Variants in CBLB observed in about 807,000 individuals in gnomAD.
CBLB encodes the protein Cbl proto-oncogene B.
Under a neutral mutation model 104.9 loss-of-function variants are expected in CBLB, and 31 were observed. The observed-to-expected ratio is 0.30, with a 90% CI of 0.22 to 0.40. The LOEUF (loss-of-function observed/expected upper bound fraction) is 0.40. CBLB is among the 10% of genes least tolerant of loss of function. CBLB has a pLI of 1.00. For synonymous variants in CBLB, 440 were observed against 422.6 expected, an observed-to-expected ratio of 1.04 and a Z score of -0.51; for missense variants, 1,062 against 1,214.6, an observed-to-expected ratio of 0.87 and a Z score of 1.87.
At chr3:105,717,200 A>G (rs2072026063) in intron 10 of CBLB, among the ~76,000 whole-genome samples, 2 of 152,182 alleles carry the variant, frequency 1.3e-5, no homozygotes, top group African/African-American at 4.8e-5. Flanking sequence ...AATTTCTCTT[A>G]AAGCCTAGAC....
chr3:105,745,814 C>CA, intron 6 of CBLB, 103 bp downstream of exon 6: 1 of 1,062,576 alleles, frequency 9.4e-7, no homozygotes, highest in Admixed American at 1.7e-5. Context: ...AGCCCCCTCC[C>CA]AAGCATGCCA....
intron 2 of CBLB, among the ~76,000 whole-genome samples, chr3:105,855,276 G>A (rs2091455060): frequency 1.3e-5 from 2 of 152,306 alleles, no homozygotes; most frequent in South Asian, 2.1e-4. Flanking sequence ...AAGAAATGGA[G>A]AGAAGAAGGT....
chr3:105,662,326 G>C lies in CBLB; in HGVS notation c.2690-3097C>G, dbSNP rs189976919. 1.7e-4 allele frequency among the ~76,000 whole-genome samples: 26 copies of C among 152,214 alleles called. 1 individual carries two copies. In the East Asian group the frequency reaches 4.8e-3, roughly 28 times the overall value. On this transcript the variant is annotated intron_variant, in intron 18 of 18. Coordinates refer to ENST00000394030, the MANE Select transcript of CBLB (RefSeq NM_170662.5). Reference sequence around the variant, plus strand: ...TGAAATGAAGATGAAACTATCTTCTGGTCCCCTAAGATTATTATATTGCAG... The same window carrying C: ...TGAAATGAAGATGAAACTATCTTCTCGTCCCCTAAGATTATTATATTGCAG...
intron 3 of CBLB, among the ~76,000 whole-genome samples, chr3:105,839,764 G>A (rs892316262): frequency 6.6e-6 from 1 of 152,220 alleles, no homozygotes; most frequent in African/African-American, 2.4e-5. Flanking sequence ...CTCACAGTCT[G>A]TAGTTTGCCA....
intron 3 of CBLB, among the ~76,000 whole-genome samples, chr3:105,832,215 CA>C (rs2087647850): frequency 6.6e-6 from 1 of 152,076 alleles, no homozygotes; most frequent in Admixed American, 6.5e-5. Context: ...GAAACTACCC[CA>C]ACAGCACCTC....
At chr3:105,740,891 G>A (rs1576770451) in intron 6 of CBLB, among the ~76,000 whole-genome samples, 1 of 152,006 alleles carries the variant, frequency 6.6e-6, no homozygotes. Context: ...GTAAACTAGG[G>A]ATTTTTTTAC....
intron 4 of CBLB, among the ~76,000 whole-genome samples, chr3:105,759,819 T>A (rs1048075345): frequency 6.6e-6 from 1 of 152,096 alleles, no homozygotes; most frequent in Non-Finnish European, 1.5e-5. Context: ...CCTGGAAGCA[T>A]GGGGCTCCAA....
At chr3:105,808,033 T>C (rs1272473739) in intron 3 of CBLB, among the ~76,000 whole-genome samples, 1 of 152,182 alleles carries the variant, frequency 6.6e-6, no homozygotes, top group East Asian at 1.9e-4. Context: ...GGAACCTAAG[T>C]TCACAGAACT....
chr3:105,861,428 A>G (rs2092076009), intron 2 of CBLB, among the ~76,000 whole-genome samples: 1 of 152,088 alleles, frequency 6.6e-6, no homozygotes, highest in African/African-American at 2.4e-5. Flanking sequence ...CCAATATAAA[A>G]TTTACAAATT....
At chr3:105,789,715 G>A (rs1216039079) in intron 3 of CBLB, among the ~76,000 whole-genome samples, 1 of 152,070 alleles carries the variant, frequency 6.6e-6, no homozygotes, top group Non-Finnish European at 1.5e-5. Context: ...TTTTAATTAC[G>A]CTGCCATTTA....
intron 10 of CBLB, among the ~76,000 whole-genome samples, chr3:105,704,479 T>A (rs111774375): frequency 6.6e-6 from 1 of 152,202 alleles, no homozygotes; most frequent in Non-Finnish European, 1.5e-5. Flanking sequence ...CATCTATATT[T>A]TATGAGGAAT....
chr3:105,760,626 A>G (rs2077527754), intron 4 of CBLB, among the ~76,000 whole-genome samples: 1 of 152,044 alleles, frequency 6.6e-6, no homozygotes, highest in South Asian at 2.1e-4. Context: ...CAAACAAAAA[A>G]AAAAGTCAAT....
intron 13 of CBLB, among the ~76,000 whole-genome samples, chr3:105,692,793 TGA>T (rs2152755260): frequency 6.6e-6 from 1 of 151,178 alleles, no homozygotes; most frequent in East Asian, 1.9e-4. Flanking sequence ...GCAGACATCC[TGA>T]CTTCATATAA....
chr3:105,802,305 G>A (rs1285990249), intron 3 of CBLB, among the ~76,000 whole-genome samples: 1 of 152,154 alleles, frequency 6.6e-6, no homozygotes, highest in Non-Finnish European at 1.5e-5. Flanking sequence ...TTGCTTCTTA[G>A]TCTCACTAAT....
rs895030123 is a variant in CBLB at position 105,751,600 on chromosome 3, T to C, written c.585A>G (p.Lys195=). 3.7e-6 allele frequency: 6 copies of C among 1,613,456 alleles called. No homozygotes were observed. The highest frequency in any genetic ancestry group is 2.2e-5 in the South Asian group (2 of 91,078). The part of the protein sequence containing the change: ...FFGDKTIVPW[K]VFRQCLHEVH... ...CCTCATGAAGGCACTGTCTGAATAC[T>C]TTCCATGGTACGATAGTTCTGTGCA... Residue 195 remains lysine (K), a synonymous_variant, in exon 5 of 19, where the codon AAA becomes AAG. Transcript: ENST00000394030.
At chr3:105,844,099 G>A (rs1272166372) in intron 3 of CBLB, among the ~76,000 whole-genome samples, 1 of 152,196 alleles carries the variant, frequency 6.6e-6, no homozygotes. Context: ...CATACACAGA[G>A]AACACTGTGT....
intron 17 of CBLB, among the ~76,000 whole-genome samples, chr3:105,675,009 T>C (rs1175550073): frequency 1.3e-5 from 2 of 152,168 alleles, no homozygotes; most frequent in Non-Finnish European, 2.9e-5. Flanking sequence ...GTCAATGAGC[T>C]ATAAGGCTGA....
chr3:105,712,071 A>G (rs2152808215), intron 10 of CBLB, among the ~76,000 whole-genome samples: 1 of 152,262 alleles, frequency 6.6e-6, no homozygotes, highest in East Asian at 1.9e-4. Context: ...CTCTACTGAA[A>G]TATTAAACAC....
rs184042378 is a variant in CBLB, at chr3:105,715,862, A to T, written c.1407+4185T>A. ...GAGACTAGGCTGACCAATGTGGTAAAACCCTGTCTCTACTAAAAATACAAA... is the reference window on the plus strand; with the variant it reads ...GAGACTAGGCTGACCAATGTGGTAATACCCTGTCTCTACTAAAAATACAAA... On this transcript the variant is annotated intron_variant, in intron 10 of 18. Transcript: ENST00000394030. 2.0e-5 allele frequency among the ~76,000 whole-genome samples: 3 copies of T among 152,226 alleles called. No homozygotes were observed. In the East Asian group the frequency reaches 5.8e-4, roughly 29 times the overall value.
Sources: allele counts gnomAD v4.1 joint callset (sites outside exome capture counted in the v4.1 genomes callset), GRCh38; gene constraint gnomAD v4.1.1; transcripts MANE v1.5; gene names NCBI Gene and HGNC (gene_info 2026-07-23, HGNC 2026-07-21).